The following CAP2 variants were observed in gnomAD, a reference collection of about 807,000 sequenced individuals.
The protein encoded by CAP2 is adenylyl cyclase-associated protein 2.
A neutral mutation model predicts 57.7 loss-of-function variants in CAP2; 24 were observed. The ratio of observed to expected loss-of-function variants is 0.42; its 90% CI spans 0.30 to 0.58. The LOEUF (loss-of-function observed/expected upper bound fraction) is 0.58, where lower values mean the gene tolerates loss of function less well. Among genes scored for constraint, CAP2 ranks in the 20% least tolerant of loss-of-function variants. The pLI is 0.22. For missense variants in CAP2, 501 were observed against 590.3 expected (o/e 0.85, Z 1.57); for synonymous variants, 194 against 207.2 (o/e 0.94, Z 0.55).
chr6:17,539,356 G>A lies in CAP2; in HGVS notation c.724G>A (p.Gly242Arg). Residue 242 changes from glycine (G) to arginine (R), a missense_variant, in exon 8 of 13, where the codon GGG becomes AGG. Coordinates refer to ENST00000229922, the MANE Select transcript of CAP2 (RefSeq NM_006366.3). ...ACCCCCTCCTCCTCTGCCTCCTCCA[G>A]GGCCACCTCCACTTTTCGAGAATGA... is the stretch of plus-strand genomic sequence containing the variant. ...PPPPPPLPPPGPPPLFENEGK... is the reference protein window; with the variant it reads ...PPPPPPLPPPRPPPLFENEGK... The A allele has an allele frequency of 1.2e-6, 2 of 1,614,056 alleles. No individual in the cohort carries two copies. Among genetic ancestry groups the A allele is most frequent in the Non-Finnish European group, 1.7e-6 (2 of 1,179,984 alleles).
chr6:17,548,226 G>A (rs916843224), intron 11 of CAP2, among the ~76,000 whole-genome samples: 12 of 151,796 alleles, frequency 7.9e-5, no homozygotes, highest in Admixed American at 2.0e-4. Flanking sequence ...AAAATAGCTC[G>A]TCATGGTGCA....
intron 3 of CAP2, among the ~76,000 whole-genome samples, chr6:17,438,851 G>A (rs1426696570): frequency 6.7e-6 from 1 of 148,928 alleles, no homozygotes; most frequent in Non-Finnish European, 1.5e-5. Flanking sequence ...GGTGGCTCAC[G>A]CCTATAATCC....
intron 2 of CAP2, among the ~76,000 whole-genome samples, chr6:17,426,140 G>C (rs1245370592): frequency 6.6e-6 from 1 of 151,642 alleles, no homozygotes; most frequent in African/African-American, 2.4e-5. Flanking sequence ...CATTGATTGA[G>C]TGAAGGAATG....
chr6:17,470,118 C>A (rs2113607730), intron 4 of CAP2, among the ~76,000 whole-genome samples: 1 of 152,268 alleles, frequency 6.6e-6, no homozygotes, highest in Middle Eastern at 3.4e-3. Flanking sequence ...CTCTGCTAAT[C>A]CAAATGCGAG....
intron 4 of CAP2, among the ~76,000 whole-genome samples, chr6:17,463,776 G>A (rs1760790726): frequency 6.6e-6 from 1 of 152,144 alleles, no homozygotes; most frequent in African/African-American, 2.4e-5. Context: ...AAGAACTTAG[G>A]TATAGTCCAT....
chr6:17,477,603 G>C (rs2113617342), intron 4 of CAP2, among the ~76,000 whole-genome samples: 1 of 152,294 alleles, frequency 6.6e-6, no homozygotes, highest in East Asian at 1.9e-4. Flanking sequence ...AGAAACTCAA[G>C]GAGTCTGGAA....
chr6:17,418,719 T>C (rs1455354893), intron 1 of CAP2, among the ~76,000 whole-genome samples: 2 of 152,002 alleles, frequency 1.3e-5, no homozygotes, highest in Non-Finnish European at 1.5e-5. Flanking sequence ...ATTTGGCAAG[T>C]TGAGTAACAG....
chr6:17,449,313 A>C (rs1760343391), intron 3 of CAP2, among the ~76,000 whole-genome samples: 1 of 152,170 alleles, frequency 6.6e-6, no homozygotes, highest in African/African-American at 2.4e-5. Context: ...AGTATTTATA[A>C]TCATTTAAAA....
intron 7 of CAP2, among the ~76,000 whole-genome samples, chr6:17,517,127 G>A (rs1168674032): frequency 1.3e-5 from 2 of 152,182 alleles, no homozygotes; most frequent in Non-Finnish European, 2.9e-5. Context: ...AAGAGAAAGT[G>A]TCACATCTTT....
chr6:17,501,475 C>T (rs753293151), intron 4 of CAP2, among the ~76,000 whole-genome samples: 2 of 152,080 alleles, frequency 1.3e-5, no homozygotes, highest in South Asian at 2.1e-4. Flanking sequence ...AAAAGAAATT[C>T]GTTAAAAAGA....
chr6:17,461,675 C>T (rs951714238), intron 3 of CAP2, among the ~76,000 whole-genome samples: 2 of 151,790 alleles, frequency 1.3e-5, no homozygotes, highest in African/African-American at 2.4e-5. Flanking sequence ...TTTCTTGGTA[C>T]ACTTCTGTAA....
At chr6:17,471,489 T>C (rs1761017391) in intron 4 of CAP2, among the ~76,000 whole-genome samples, 1 of 152,158 alleles carries the variant, frequency 6.6e-6, no homozygotes, top group Non-Finnish European at 1.5e-5. Flanking sequence ...TTTTTAAATA[T>C]CGGTTTCATT....
intron 4 of CAP2, among the ~76,000 whole-genome samples, chr6:17,468,547 G>A (rs375397539): frequency 6.6e-6 from 1 of 152,276 alleles, no homozygotes; most frequent in Non-Finnish European, 1.5e-5. Context: ...TTTATTACAT[G>A]CTCATGACAC....
intron 3 of CAP2, among the ~76,000 whole-genome samples, chr6:17,462,588 G>A (rs1324649314): frequency 6.6e-6 from 1 of 152,060 alleles, no homozygotes. Context: ...CCACTGCTCT[G>A]TAGTGGTTTC....
At chr6:17,549,669 TGTCCTTACTTTGC>T (rs1248661111) in intron 11 of CAP2, among the ~76,000 whole-genome samples, 1 of 152,250 alleles carries the variant, frequency 6.6e-6, no homozygotes, top group Admixed American at 6.5e-5. Flanking sequence ...GCATTCAGAC[TGTCCTTACTTTGC>T]GTGGTGCTAG....
intron 3 of CAP2, among the ~76,000 whole-genome samples, chr6:17,444,655 A>T (rs1020850547): frequency 6.6e-6 from 1 of 151,374 alleles, no homozygotes; most frequent in African/African-American, 2.4e-5. Flanking sequence ...AAAAAAAAAA[A>T]AAAGTCATCA....
chr6:17,552,460 C>G (rs1763192858), intron 12 of CAP2, among the ~76,000 whole-genome samples: 1 of 152,026 alleles, frequency 6.6e-6, no homozygotes, highest in African/African-American at 2.4e-5. Context: ...ACCAGCCTGG[C>G]CAACACGGCA....
At chr6:17,508,843 T>C (rs751872922) in intron 6 of CAP2, among the ~76,000 whole-genome samples, 6 of 151,628 alleles carry the variant, frequency 4.0e-5, no homozygotes, top group Non-Finnish European at 8.8e-5. Flanking sequence ...CTGCAACCTC[T>C]GCCTCCCGGG....
At chr6:17,528,258 A>G (rs559944631) in intron 7 of CAP2, among the ~76,000 whole-genome samples, 34 of 152,332 alleles carry the variant, frequency 2.2e-4, no homozygotes, top group African/African-American at 7.7e-4. Context: ...CTATTACAAT[A>G]TTTTCAACTT....
Sources: allele counts gnomAD v4.1 joint callset (sites outside exome capture counted in the v4.1 genomes callset), GRCh38; gene constraint gnomAD v4.1.1; transcripts MANE v1.5; gene names NCBI Gene and HGNC (gene_info 2026-07-23, HGNC 2026-07-21).